Variants in DYNC2LI1 observed in about 807,000 individuals in gnomAD.
DYNC2LI1 encodes the protein cytoplasmic dynein 2 light intermediate chain 1.
Under a neutral mutation model 51.9 loss-of-function variants are expected in DYNC2LI1, and 45 were observed. The observed-to-expected ratio is 0.87, with a 90% CI of 0.68 to 1.11. The LOEUF (loss-of-function observed/expected upper bound fraction) is 1.11, where lower values mean the gene tolerates loss of function less well. DYNC2LI1 is among the 50% of genes most tolerant of loss of function. The pLI is 0.00. For missense variants in DYNC2LI1, 490 were observed against 417.4 expected (o/e 1.17, Z -1.51); for synonymous variants, 130 against 137.8 (o/e 0.94, Z 0.40).
At chr2:43,826,166 C>CTT in the DYNC2LI1 span, among the ~76,000 whole-genome samples, 120 of 141,976 alleles carry the variant, frequency 8.5e-4, 2 homozygotes, top group African/African-American at 3.0e-3. Context: ...TTCTTTCTTT[C>CTT]TTTTTTTTTT....
the DYNC2LI1 span, among the ~76,000 whole-genome samples, chr2:43,819,621 T>G: frequency 6.6e-6 from 1 of 152,186 alleles, no homozygotes; most frequent in Non-Finnish European, 1.5e-5. Flanking sequence ...TGTGAGTTTT[T>G]CCTGGAACAT....
intron 9 of DYNC2LI1, among the ~76,000 whole-genome samples, 189 bp downstream of exon 9, chr2:43,801,106 AT>A (rs1230148206): frequency 6.7e-6 from 1 of 148,500 alleles, no homozygotes; most frequent in Non-Finnish European, 1.5e-5. Context: ...TTTTATTATT[AT>A]TTTTAATTAT....
At chr2:43,821,130 C>G in the DYNC2LI1 span, among the ~76,000 whole-genome samples, 8 of 152,134 alleles carry the variant, frequency 5.3e-5, no homozygotes, top group East Asian at 1.5e-3. Flanking sequence ...TATACTCGCC[C>G]CTCCTTACCA....
downstream of DYNC2LI1, chr2:43,812,924 G>C: frequency 1.7e-6 from 1 of 596,108 alleles, no homozygotes; most frequent in Non-Finnish European, 3.0e-6. Flanking sequence ...AGTTGTAAGA[G>C]CAAGGGACTA....
chr2:43,779,149 G>C (rs1673161296), intron 2 of DYNC2LI1, among the ~76,000 whole-genome samples: 1 of 152,152 alleles, frequency 6.6e-6, no homozygotes, highest in African/African-American at 2.4e-5. Context: ...TGTAGTCCCA[G>C]CTACGTGGAA....
At chr2:43,805,015 G>A (rs572665714) in intron 11 of DYNC2LI1, 139 bp from the exon 12 acceptor site, 2 of 589,338 alleles carry the variant, frequency 3.4e-6, no homozygotes, top group Non-Finnish European at 6.0e-6. Context: ...GTGGGCCTCA[G>A]TGGTGATGAG....
chr2:43,775,687 A>C lies in DYNC2LI1; in HGVS notation c.9-1095A>C, dbSNP rs958262921. ...TAATTTCTTTTCTTTTTCTTTTTTT[A>C]TTTTCTTTTTTTTTTTTTTAGACAG... On this transcript the variant is annotated intron_variant, in intron 1 of 12. Coordinates refer to ENST00000260605, the MANE Select transcript of DYNC2LI1 (RefSeq NM_016008.4). 2.4e-4 allele frequency: 79 copies of C among 331,170 alleles called. 1 individual carries two copies. The highest frequency in any genetic ancestry group is 1.8e-3 in the African/African-American group (62 of 34,778). 20.5% of individuals were successfully genotyped at this position (331,170 alleles called of 1,614,324 possible).
intron 8 of DYNC2LI1, among the ~76,000 whole-genome samples, chr2:43,797,515 C>CTTTTT (rs557695536): frequency 1.7e-4 from 19 of 110,692 alleles, no homozygotes; most frequent in Admixed American, 3.3e-4. Context: ...AATATAACAA[C>CTTTTT]TTTTTTTTTT....
chr2:43,783,722 C>G lies in DYNC2LI1; in HGVS notation c.161+168C>G, dbSNP rs2288708. On this transcript the variant is annotated intron_variant, in intron 3 of 12. Transcript: ENST00000260605. ...TTTAAGAGCGCCTTTAAATATAAAA[C>G]TAACAATAAGCCAAAAATTATATGA... 6.1e-3 allele frequency among the ~76,000 whole-genome samples: 925 copies of G among 152,234 alleles called. 13 individuals are homozygous for G. The highest frequency in any genetic ancestry group is 0.039 in the South Asian group (188 of 4,830).
downstream of DYNC2LI1, among the ~76,000 whole-genome samples, chr2:43,814,225 T>C (rs2104749653): frequency 6.6e-6 from 1 of 152,326 alleles, no homozygotes; most frequent in South Asian, 2.1e-4. Context: ...TACCTCAGTG[T>C]ACATAAGGTC....
intron 4 of DYNC2LI1, 82 bp from the exon 5 acceptor site, chr2:43,789,551 T>A (rs1673682437): frequency 6.0e-6 from 7 of 1,168,566 alleles, no homozygotes; most frequent in Non-Finnish European, 8.6e-6. Flanking sequence ...CAATATTTTG[T>A]ATGTATAATT....
intron 12 of DYNC2LI1, among the ~76,000 whole-genome samples, chr2:43,806,436 T>G (rs1459510359): frequency 2.0e-5 from 3 of 152,066 alleles, no homozygotes; most frequent in Non-Finnish European, 2.9e-5. Context: ...AGCAAAACAT[T>G]TTATGTAAAC....
At chr2:43,779,205 G>A (rs575558613) in intron 2 of DYNC2LI1, among the ~76,000 whole-genome samples, 102 of 152,278 alleles carry the variant, frequency 6.7e-4, no homozygotes, top group Non-Finnish European at 1.3e-3. Context: ...TAAGGCTGCC[G>A]TGAGCCATCG....
downstream of DYNC2LI1, chr2:43,813,417 A>G: frequency 3.8e-6 from 3 of 791,250 alleles, no homozygotes; most frequent in Non-Finnish European, 4.3e-6. Context: ...AATACAGGAC[A>G]CTTTAGCAAG....
intron 5 of DYNC2LI1, among the ~76,000 whole-genome samples, chr2:43,790,599 G>A (rs1301470527): frequency 1.3e-5 from 2 of 151,220 alleles, no homozygotes; most frequent in Non-Finnish European, 2.9e-5. Context: ...TATTAGAAAA[G>A]TAATATATGC....
rs1045603641 is a variant in DYNC2LI1, at chr2:43,794,578, A to C, written c.442A>C (p.Thr148Pro). 1 of 1,614,122 alleles carries C rather than the reference A, an allele frequency of 6.2e-7. No homozygotes were observed. Among genetic ancestry groups the C allele is most frequent in the Non-Finnish European group, 8.5e-7 (1 of 1,180,000 alleles). ...VDKVIMKLGK[T>P]NAKAVSEMRQ... Reference sequence around the variant, plus strand: ...CAAAGTGATAATGAAACTGGGAAAGACAAATGCTAAAGCAGTTTCTGAAAT... The same window carrying C: ...CAAAGTGATAATGAAACTGGGAAAGCCAAATGCTAAAGCAGTTTCTGAAAT... The change falls in exon 6 of 13, where the codon ACA (threonine) becomes CCA (proline). Residue 148 changes from threonine (T) to proline (P), a missense_variant. Physicochemically the swap from Thr to Pro is conservative, Grantham distance 38 (BLOSUM62 -1). Transcript: ENST00000260605.
chr2:43,826,310 A>G, the DYNC2LI1 span: 22 of 1,608,398 alleles, frequency 1.4e-5, no homozygotes, highest in Non-Finnish European at 1.8e-5. Flanking sequence ...ACTGGTACAA[A>G]TCTTGCCCCT....
intron 2 of DYNC2LI1, among the ~76,000 whole-genome samples, chr2:43,781,267 G>A (rs914259574): frequency 6.6e-6 from 1 of 151,808 alleles, no homozygotes; most frequent in Non-Finnish European, 1.5e-5. Flanking sequence ...TACTCCGGAG[G>A]CTGAGGCCTA....
chr2:43,797,174 A>T (rs879751844), intron 8 of DYNC2LI1, among the ~76,000 whole-genome samples: 2 of 152,312 alleles, frequency 1.3e-5, no homozygotes, highest in Non-Finnish European at 2.9e-5. Context: ...GGGGCTCTTT[A>T]AAAAAGTGCT....
Sources: gnomAD v4.1 joint callset for allele counts (sites outside exome capture counted in the v4.1 genomes callset) on GRCh38, gnomAD v4.1.1 for gene constraint, MANE v1.5 for transcripts, NCBI Gene and HGNC (gene_info 2026-07-23, HGNC 2026-07-21) for gene names.